Variants in EPB41L4A observed in about 807,000 individuals in gnomAD.
EPB41L4A encodes band 4.1-like protein 4A.
A neutral mutation model predicts 108.6 loss-of-function variants in EPB41L4A; 100 were observed. That is an observed-to-expected ratio of 0.92 (90% CI 0.78 to 1.09). EPB41L4A has a LOEUF of 1.09. EPB41L4A is among the 50% of genes least tolerant of loss of function. EPB41L4A has a pLI of 0.00. For missense variants in EPB41L4A, 1,030 were observed against 842.7 expected (o/e 1.22, Z -2.75); for synonymous variants, 319 against 289.0 (o/e 1.10, Z -1.05).
intron 2 of EPB41L4A, among the ~76,000 whole-genome samples, chr5:112,304,688 A>G (rs1754575260): frequency 6.6e-6 from 1 of 152,082 alleles, no homozygotes; most frequent in African/African-American, 2.4e-5. Context: ...TGATATCACC[A>G]GCAATATTTT....
chr5:112,389,429 T>C (rs1020794941), intron 1 of EPB41L4A, among the ~76,000 whole-genome samples: 3 of 152,198 alleles, frequency 2.0e-5, no homozygotes, highest in African/African-American at 4.8e-5. Context: ...AGAGTTGTTA[T>C]CTGACCTTTT....
chr5:112,284,695 C>T (rs115634012), intron 2 of EPB41L4A, among the ~76,000 whole-genome samples: 3,938 of 152,272 alleles, frequency 0.026, 169 homozygotes, highest in African/African-American at 0.09. Flanking sequence ...AACACTCCAT[C>T]ACTGAGGAGT....
intron 17 of EPB41L4A, chr5:112,192,254 G>A (rs2150256175): frequency 6.6e-6 from 1 of 152,374 alleles, no homozygotes; most frequent in Middle Eastern, 3.4e-3. Flanking sequence ...AGCACAATGA[G>A]TTTCCACCCT....
At chr5:112,209,347 T>C (rs751522606) in intron 13 of EPB41L4A, among the ~76,000 whole-genome samples, 2 of 152,184 alleles carry the variant, frequency 1.3e-5, no homozygotes, top group African/African-American at 4.8e-5. Flanking sequence ...AGGGAAACAA[T>C]CCATGTAATA....
rs1760113381 is a variant in EPB41L4A at position 112,164,625 on chromosome 5, G to A, written c.*365C>T. The A allele has an allele frequency of 6.4e-6, 1 of 155,894 alleles. No homozygotes were observed. The allele number at this position is 155,894 out of a possible 1,614,324, so 9.7% of individuals were successfully genotyped here. ...GAGGCAGGCGGATCACTTGAGGTCA[G>A]GAGTTCGAGACCAGCCTCCAACATG... On this transcript the variant is annotated 3_prime_UTR_variant, in exon 23 of 23. Coordinates refer to ENST00000261486, the MANE Select transcript of EPB41L4A (RefSeq NM_022140.5).
downstream of EPB41L4A, among the ~76,000 whole-genome samples, chr5:112,159,077 C>T (rs560971329): frequency 1.6e-4 from 24 of 152,260 alleles, no homozygotes; most frequent in Middle Eastern, 3.4e-3. Flanking sequence ...TATACATTTA[C>T]TAATTCTGTA....
intron 1 of EPB41L4A, among the ~76,000 whole-genome samples, chr5:112,363,232 A>C (rs770581852): frequency 3.3e-5 from 5 of 152,096 alleles, no homozygotes; most frequent in Non-Finnish European, 2.9e-5. Flanking sequence ...TTATAGAAGA[A>C]TTTTATTCCT....
chr5:112,272,289 C>T (rs1049296372), intron 4 of EPB41L4A, among the ~76,000 whole-genome samples: 4 of 151,418 alleles, frequency 2.6e-5, no homozygotes, highest in African/African-American at 4.9e-5. Context: ...TACAGGTGCC[C>T]GCCGCCACGC....
rs1007824832 is a variant in EPB41L4A, at chr5:112,418,932, C to G, written c.99+9G>C. 6.2e-7 allele frequency: 1 copy of G among 1,610,180 alleles called. No individual in the cohort carries two copies. Among genetic ancestry groups the G allele is most frequent in the South Asian group, 1.1e-5 (1 of 90,858 alleles). On this transcript the variant is annotated intron_variant, in intron 1 of 22. Coordinates refer to ENST00000261486, the MANE Select transcript of EPB41L4A (RefSeq NM_022140.5). The stretch of plus-strand genomic sequence containing the variant: ...CCAACCCCCGGAACGCGCTCCGGGC[C>G]GCACCCACCTTGATGCCCTGCTGCT...
chr5:112,212,795 G>A (rs10463628), intron 12 of EPB41L4A, among the ~76,000 whole-genome samples: 1 of 151,916 alleles, frequency 6.6e-6, no homozygotes, highest in African/African-American at 2.4e-5. Flanking sequence ...CTGAGTAAAG[G>A]TGAACATCCT....
At chr5:112,410,257 T>C (rs551878087) in intron 1 of EPB41L4A, among the ~76,000 whole-genome samples, 2 of 151,920 alleles carry the variant, frequency 1.3e-5, no homozygotes, top group African/African-American at 2.4e-5. Context: ...GGAGAAAGAA[T>C]AGAAAGGAGG....
intron 1 of EPB41L4A, among the ~76,000 whole-genome samples, chr5:112,414,963 A>G (rs1762624069): frequency 6.6e-6 from 1 of 152,180 alleles, no homozygotes. Flanking sequence ...GCTTCTACCT[A>G]CGTTTATATG....
At chr5:112,332,106 C>A (rs1450528667) in intron 1 of EPB41L4A, among the ~76,000 whole-genome samples, 1 of 152,270 alleles carries the variant, frequency 6.6e-6, no homozygotes, top group East Asian at 1.9e-4. Context: ...GTTATCTGGA[C>A]TTCCTCCTCT....
rs545565737 is a variant in EPB41L4A, at chr5:112,399,938, T to C, written c.99+19003A>G. ...GTCTCCCACTGGTTCAATATCACACTACCAGCCCTAGATTACATTTATGTG... is the reference window on the plus strand; with the variant it reads ...GTCTCCCACTGGTTCAATATCACACCACCAGCCCTAGATTACATTTATGTG... On this transcript the variant is annotated intron_variant, in intron 1 of 22. Coordinates refer to ENST00000261486, the MANE Select transcript of EPB41L4A (RefSeq NM_022140.5). 2.6e-5 allele frequency among the ~76,000 whole-genome samples: 4 copies of C among 152,320 alleles called. No homozygotes were observed. In the East Asian group the frequency reaches 7.7e-4, roughly 29 times the overall value.
chr5:112,223,053 C>T (rs1051208711), intron 12 of EPB41L4A, among the ~76,000 whole-genome samples: 2 of 151,876 alleles, frequency 1.3e-5, no homozygotes, highest in African/African-American at 4.8e-5. Context: ...ATTCTTGTGC[C>T]TCAGCCTTCC....
intron 12 of EPB41L4A, among the ~76,000 whole-genome samples, chr5:112,151,991 C>A (rs1176022403): frequency 6.6e-6 from 1 of 152,152 alleles, no homozygotes; most frequent in Non-Finnish European, 1.5e-5. Flanking sequence ...CTCAGCCTTC[C>A]AAAGTGCTGG....
At chr5:112,402,159 G>T (rs1240775590) in intron 1 of EPB41L4A, among the ~76,000 whole-genome samples, 1 of 152,104 alleles carries the variant, frequency 6.6e-6, no homozygotes, top group Non-Finnish European at 1.5e-5. Flanking sequence ...CTGTTCTCAT[G>T]ATAGTGAGTG....
chr5:112,345,780 TACACACACACACACACACACAC>T (rs60638685), intron 1 of EPB41L4A, among the ~76,000 whole-genome samples: 4 of 74,604 alleles, frequency 5.4e-5, no homozygotes, highest in African/African-American at 9.1e-5. Flanking sequence ...TATATATATA[TACACACACACACACACACACAC>T]ACACACACAC....
rs1479210695 is a variant in EPB41L4A at position 112,346,215 on chromosome 5, C to CTTTTTTTTTTTTT, written c.100-38726_100-38725insAAAAAAAAAAAAA. On this transcript the variant is annotated intron_variant, in intron 1 of 22. Transcript: ENST00000261486. ...AAATTCTTTAAAGTTAGGTACATTG[C>CTTTTTTTTTTTTT]ATTTTTTTTTTTTTTTTTTTTTTTT... is the stretch of plus-strand genomic sequence containing the variant. Among the ~76,000 whole-genome samples, 64 of 49,050 alleles carry CTTTTTTTTTTTTT rather than the reference C, an allele frequency of 1.3e-3. 1 individual carries two copies. The highest frequency in any genetic ancestry group is 2.0e-3 in the African/African-American group (45 of 22,082). 32.2% of individuals were successfully genotyped at this position (49,050 alleles called of 152,430 possible).
Sources: gnomAD v4.1 joint callset for allele counts (sites outside exome capture counted in the v4.1 genomes callset) on GRCh38, gnomAD v4.1.1 for gene constraint, MANE v1.5 for transcripts, NCBI Gene and HGNC (gene_info 2026-07-23, HGNC 2026-07-21) for gene names.